Variants in GRK3 observed in about 807,000 individuals in gnomAD.
GRK3 encodes the protein G protein-coupled receptor kinase 3.
A neutral mutation model predicts 95.7 loss-of-function variants in GRK3; 54 were observed. The ratio of observed to expected loss-of-function variants is 0.56; its 90% confidence interval spans 0.45 to 0.71. GRK3 has a LOEUF of 0.71. GRK3 is among the 30% of genes least tolerant of loss of function. The pLI is 0.00. For missense variants in GRK3, 649 were observed against 851.2 expected, an observed-to-expected ratio of 0.76 and a Z score of 2.96; for synonymous variants, 281 against 290.8, an observed-to-expected ratio of 0.97 and a Z score of 0.34.
chr22:25,671,795 A>G (rs920707199), intron 6 of GRK3, among the ~76,000 whole-genome samples: 9 of 152,272 alleles, frequency 5.9e-5, no homozygotes, highest in African/African-American at 1.9e-4. Context: ...TTTAAAAGCC[A>G]TGGCTGTCCA....
At chr22:25,698,481 G>A (rs1331434774) in intron 13 of GRK3, among the ~76,000 whole-genome samples, 1 of 152,214 alleles carries the variant, frequency 6.6e-6, no homozygotes, top group Non-Finnish European at 1.5e-5. Context: ...TTGACATCAT[G>A]TGGGAGATGG....
At chr22:25,604,315 C>A in intron 1 of GRK3, 62 bp from the exon 2 acceptor site, 1 of 1,240,190 alleles carries the variant, frequency 8.1e-7, no homozygotes, top group South Asian at 1.4e-5. Context: ...CTCTTCCATC[C>A]TGGGGATGGT....
In GRK3 at chr22:25,703,574, G is replaced by A. The variant is rs2272859; in HGVS notation, c.1225G>A (p.Val409Met). The A allele has an allele frequency of 1.2e-4, 198 of 1,608,898 alleles. 1 individual carries two copies. The East Asian group carries it at 4.1e-3, about 34-fold the overall frequency. ...KHEIDRMTLTVNVELPDTFSP... is the reference protein window; with the variant it reads ...KHEIDRMTLTMNVELPDTFSP... ...TGAAATTGACCGAATGACACTCACCGTGGTAAGGGGATTCAAAACTGTATT... is the reference window on the plus strand; with the variant it reads ...TGAAATTGACCGAATGACACTCACCATGGTAAGGGGATTCAAAACTGTATT... Residue 409 changes from valine to methionine, a missense_variant and splice_region_variant, in exon 14 of 21, where the codon GTG becomes ATG. Val to Met is a conservative substitution (Grantham distance 21). This residue lies in a region of GRK3 where 382 missense variants were observed against 493.8 expected (regional missense o/e 0.77). Transcript: ENST00000324198.
chr22:25,694,138 C>T (rs1040811651), intron 12 of GRK3, among the ~76,000 whole-genome samples: 35 of 152,270 alleles, frequency 2.3e-4, no homozygotes, highest in African/African-American at 7.7e-4. Context: ...ATCCCCAACA[C>T]GAATCCAGTG....
intron 3 of GRK3, among the ~76,000 whole-genome samples, chr22:25,660,214 G>A (rs1464972256): frequency 6.6e-6 from 1 of 152,166 alleles, no homozygotes; most frequent in African/African-American, 2.4e-5. Context: ...CTGTTACTTT[G>A]CAGCTACCAT....
chr22:25,711,066 A>C lies in GRK3; in HGVS notation c.1396-2A>C. The C allele has an allele frequency of 6.2e-7, 1 of 1,606,682 alleles. No homozygotes were observed. Among genetic ancestry groups the C allele is most frequent in the Non-Finnish European group, 8.5e-7 (1 of 1,174,972 alleles). On this transcript the variant is annotated splice_acceptor_variant, in intron 16 of 20. Coordinates refer to ENST00000324198, the MANE Select transcript of GRK3 (RefSeq NM_005160.4). LOFTEE classifies it high-confidence loss of function. ...TGTACCATGCTTGTTTGGATCTTCC[A>C]GTACCCACCACCCTTGATTCCTCCC...
rs117330780 is a variant in GRK3 at position 25,590,940 on chromosome 22, G to T, written c.114-13437G>T. 2.9e-3 allele frequency among the ~76,000 whole-genome samples: 446 copies of T among 152,308 alleles called. 5 individuals carry two copies. In the Middle Eastern group the frequency reaches 0.031, roughly 10 times the overall value. On this transcript the variant is annotated intron_variant, in intron 1 of 20. Transcript: ENST00000324198. ...AAACCATTACCCAAATTCAGATAATGAACGTCTCAATTGTCTTACCAGCTG... is the reference window on the plus strand; with the variant it reads ...AAACCATTACCCAAATTCAGATAATTAACGTCTCAATTGTCTTACCAGCTG...
chr22:25,604,987 T>C (rs1314573047), intron 2 of GRK3, among the ~76,000 whole-genome samples: 1 of 152,138 alleles, frequency 6.6e-6, no homozygotes, highest in African/African-American at 2.4e-5. Context: ...CACAGGGAGG[T>C]GGAGTGACTT....
At chr22:25,576,327 C>G (rs2331119) in intron 1 of GRK3, among the ~76,000 whole-genome samples, 1 of 152,288 alleles carries the variant, frequency 6.6e-6, no homozygotes, top group Middle Eastern at 3.4e-3. Flanking sequence ...TGTCCAGTAC[C>G]TGAAATCCCT....
intron 2 of GRK3, among the ~76,000 whole-genome samples, chr22:25,614,105 C>T (rs1214942686): frequency 2.0e-5 from 3 of 151,988 alleles, no homozygotes; most frequent in Non-Finnish European, 4.4e-5. Context: ...TGCCAGCTAG[C>T]AAATGTATTA....
intron 12 of GRK3, among the ~76,000 whole-genome samples, chr22:25,691,996 C>G (rs964572736): frequency 6.6e-6 from 1 of 152,094 alleles, no homozygotes; most frequent in East Asian, 1.9e-4. Flanking sequence ...CAGGGTCTTG[C>G]TCTGTCTCCA....
At chr22:25,622,190 TTTGA>T (rs1248932584) in intron 2 of GRK3, among the ~76,000 whole-genome samples, 2 of 152,154 alleles carry the variant, frequency 1.3e-5, no homozygotes, top group African/African-American at 4.8e-5. Context: ...AGCCCCTTCA[TTTGA>T]TTGATGACGA....
chr22:25,673,314 G>A (rs112544075), intron 7 of GRK3, among the ~76,000 whole-genome samples: 3 of 152,000 alleles, frequency 2.0e-5, no homozygotes, highest in African/African-American at 4.8e-5. Context: ...AGCCCGCCTC[G>A]GCCTCCCGAA....
intron 1 of GRK3, among the ~76,000 whole-genome samples, chr22:25,568,676 T>C (rs1450160697): frequency 6.6e-6 from 1 of 152,196 alleles, no homozygotes; most frequent in Non-Finnish European, 1.5e-5. Flanking sequence ...ATGGAGCTTA[T>C]AGACTAGTGT....
At chr22:25,636,473 G>A (rs1193395656) in intron 2 of GRK3, among the ~76,000 whole-genome samples, 2 of 152,154 alleles carry the variant, frequency 1.3e-5, no homozygotes, top group African/African-American at 4.8e-5. Flanking sequence ...TTACTCATTT[G>A]TGTAAGCCTA....
Position 25,623,520 on chromosome 22 carries a change from T to G in GRK3, c.190+19067T>G, listed in dbSNP as rs888921274. ...TCAGTTCTGTGGTTTCGTTTCATAA[T>G]GAGTGATTGTTTCTAGTGTAATGTG... is the stretch of plus-strand genomic sequence containing the variant. On this transcript the variant is annotated intron_variant, in intron 2 of 20. Transcript: ENST00000324198. 2.0e-5 allele frequency among the ~76,000 whole-genome samples: 3 copies of G among 152,228 alleles called. 1 individual carries two copies. The South Asian group carries it at 6.2e-4, about 31-fold the overall frequency.
chr22:25,665,917 C>T (rs2084938731), intron 5 of GRK3, among the ~76,000 whole-genome samples: 1 of 152,132 alleles, frequency 6.6e-6, no homozygotes, highest in African/African-American at 2.4e-5. Context: ...TGGGAGGGGC[C>T]CTAGCTTGTG....
In GRK3 at chr22:25,718,955, G is replaced by A. The variant is rs113881504; in HGVS notation, c.1791+574G>A. 5.1e-3 allele frequency among the ~76,000 whole-genome samples: 775 copies of A among 152,304 alleles called. 6 individuals carry two copies. The highest frequency in any genetic ancestry group is 0.018 in the African/African-American group (751 of 41,564). On this transcript the variant is annotated intron_variant, in intron 19 of 20. Coordinates refer to ENST00000324198, the MANE Select transcript of GRK3 (RefSeq NM_005160.4). ...AAAAAAACAACACAGTCTAACGACT[G>A]TTTACATAGCATTTACGTTAGAGGT...
Position 25,690,277 on chromosome 22 carries a change from C to T in GRK3, c.1046C>T (p.Ala349Val), listed in dbSNP as rs759158731. Residue 349 changes from alanine to valine, a missense_variant, in exon 12 of 21, where the codon GCG becomes GTG. Transcript: ENST00000324198. ...ACDFSKKKPH[A>V]SVGTHGYMAP... The stretch of plus-strand genomic sequence containing the variant: ...GATTTTTCCAAAAAGAAGCCTCATG[C>T]GAGTGTGTAAGTAGTGCGTCAACTT... 4.3e-6 allele frequency: 7 copies of T among 1,612,012 alleles called. No homozygotes were observed. Among genetic ancestry groups the T allele is most frequent in the Admixed American group, 1.7e-5 (1 of 60,010 alleles).
Sources: gnomAD v4.1 joint callset for allele counts (sites outside exome capture counted in the v4.1 genomes callset) on GRCh38, gnomAD v4.1.1 for gene constraint, gnomAD v4.1.1 regional missense constraint, MANE v1.5 for transcripts, NCBI Gene and HGNC (gene_info 2026-07-23, HGNC 2026-07-21) for gene names.